Variants in HCN2 observed in about 807,000 individuals in gnomAD.
HCN2 encodes the protein potassium/sodium hyperpolarization-activated cyclic nucleotide-gated channel 2.
A neutral mutation model predicts 52.3 loss-of-function variants in HCN2; 20 were observed. That is an observed-to-expected ratio of 0.38 (90% confidence interval 0.27 to 0.56). HCN2 has a LOEUF of 0.56. HCN2 is among the 20% of genes least tolerant of loss of function. The pLI is 0.71. For missense variants in HCN2, 981 were observed against 1,207.7 expected, an observed-to-expected ratio of 0.81 and a Z score of 2.78; for synonymous variants, 694 against 537.0, an observed-to-expected ratio of 1.29 and a Z score of -4.04.
Position 603,636 on chromosome 19 carries a change from C to T in HCN2, c.725C>T (p.Ala242Val). 6.2e-7 allele frequency: 1 copy of T among 1,612,324 alleles called. No homozygotes were observed. The change falls in exon 2 of 8, where the codon GCC (alanine) becomes GTC (valine). Residue 242 changes from alanine to valine, a missense_variant. Physicochemically the swap from Ala to Val is moderately conservative, Grantham distance 64. This residue lies in a region of HCN2 where 282 missense variants were observed against 553.8 expected (regional missense o/e 0.51). Transcript: ENST00000251287. ...ACCTTCTTCAAGGATGAGACCACTG[C>T]CCCGTGGATCGTGTTCAACGTGGTC... Reference protein sequence around the residue: ...GITFFKDETTAPWIVFNVVSD... With the variant: ...GITFFKDETTVPWIVFNVVSD...
intron 1 of HCN2, among the ~76,000 whole-genome samples, chr19:598,047 G>A (rs541805882): frequency 1.3e-5 from 2 of 152,326 alleles, no homozygotes; most frequent in South Asian, 4.1e-4. Flanking sequence ...CAGAGGGTGA[G>A]GCTGGGGCTG....
intron 5 of HCN2, among the ~76,000 whole-genome samples, chr19:612,926 C>T (rs1209864774): frequency 1.3e-5 from 2 of 151,972 alleles, no homozygotes; most frequent in Non-Finnish European, 2.9e-5. Flanking sequence ...GCGATCCTCC[C>T]GCCTCGGCCT....
intron 5 of HCN2, among the ~76,000 whole-genome samples, chr19:611,121 C>T (rs201808377): frequency 6.6e-6 from 1 of 152,224 alleles, no homozygotes; most frequent in Non-Finnish European, 1.5e-5. Flanking sequence ...TTAACTGGGC[C>T]ATGTCTGCAG....
At chr19:603,407 G>T (rs562751643) in intron 1 of HCN2, 137 bp from the exon 2 acceptor site, 124 of 650,536 alleles carry the variant, frequency 1.9e-4, no homozygotes, top group Non-Finnish European at 3.2e-4. Flanking sequence ...GCCCGGGGCT[G>T]GTCCCGCAGG....
chr19:599,144 G>A (rs934168888), intron 1 of HCN2, among the ~76,000 whole-genome samples: 5 of 152,270 alleles, frequency 3.3e-5, no homozygotes, highest in African/African-American at 1.2e-4. Flanking sequence ...GGCTCTTGCA[G>A]ACCGAGCTGC....
intron 1 of HCN2, among the ~76,000 whole-genome samples, chr19:595,058 C>T (rs1290404350): frequency 6.6e-6 from 1 of 152,028 alleles, no homozygotes; most frequent in Non-Finnish European, 1.5e-5. Flanking sequence ...AAAAATTAGC[C>T]AGGCGTGGTG....
At chr19:613,697 AT>A (rs1983764978) in intron 6 of HCN2, among the ~76,000 whole-genome samples, 154 bp from the exon 7 acceptor site, 2 of 24,706 alleles carry the variant, frequency 8.1e-5, no homozygotes, top group Admixed American at 4.0e-4. Context: ...GGGGCCGGGG[AT>A]GGGGCCGGGG....
chr19:608,094 T>C lies in HCN2; in HGVS notation c.1349T>C (p.Val450Ala). The change falls in exon 4 of 8, where the codon GTG becomes GCG. Residue 450 changes from valine (V) to alanine (A), a missense_variant. Transcript: ENST00000251287. ...DIWLTMLSMI[V>A]GATCYAMFIG... ...TGGCTGACCATGCTCAGCATGATTG[T>C]GGGTGCCACCTGCTACGCCATGTTC... 6.2e-7 allele frequency: 1 copy of C among 1,613,310 alleles called. No individual in the cohort carries two copies. The highest frequency in any genetic ancestry group is 8.5e-7 in the Non-Finnish European group (1 of 1,180,020).
In HCN2 at chr19:616,323, C is replaced by G. The variant is rs574907436; in HGVS notation, c.2519C>G (p.Pro840Arg). The G allele has an allele frequency of 1.7e-6, 2 of 1,170,638 alleles. No homozygotes were observed. Among genetic ancestry groups the G allele is most frequent in the East Asian group, 5.9e-5 (1 of 16,870 alleles). The allele number at this position is 1,170,638 out of a possible 1,614,324, so 72.5% of individuals were successfully genotyped here. A position where few individuals can be genotyped will look rare whatever the true frequency, so the allele number is the denominator to read the frequency against. The change falls in exon 8 of 8, where the codon CCG becomes CGG. Residue 840 changes from proline (P) to arginine (R), a missense_variant. Transcript: ENST00000251287. ...CCCGGCCCCGCGGCCTCCACACGCC[C>G]GGCCAGCAGCTCCACACCGCGCTTG... ...GAPGPAASTR[P>R]ASSSTPRLGP... is the part of the protein sequence containing the mutation.
At chr19:602,895 G>A (rs1283126411) in intron 1 of HCN2, among the ~76,000 whole-genome samples, 2 of 151,674 alleles carry the variant, frequency 1.3e-5, no homozygotes, top group East Asian at 3.9e-4. Flanking sequence ...GGCCTTCCTG[G>A]GGTGGGAGCC....
At chr19:612,393 G>GGTGGGGGTGTGTGTGTGTGTGTGTGT (rs1215986490) in intron 5 of HCN2, among the ~76,000 whole-genome samples, 5 of 141,874 alleles carry the variant, frequency 3.5e-5, no homozygotes, top group African/African-American at 1.3e-4. Flanking sequence ...GCTTTCCACT[G>GGTGGGGGTGTGTGTGTGTGTGTGTGT]GTGTGTGTGT....
Position 590,097 on chromosome 19 carries a change from C to A in HCN2, c.152C>A (p.Pro51His), listed in dbSNP as rs1220919276. 19 of 747,192 alleles carry A rather than the reference C, an allele frequency of 2.5e-5. No individual in the cohort carries two copies. The highest frequency in any genetic ancestry group is 3.1e-5 in the Non-Finnish European group (19 of 618,356). 46.3% of individuals were successfully genotyped at this position (747,192 alleles called of 1,614,324 possible). ...CCCCCCCCGGGCCCCGGGCCCGCGC[C>A]CCCCCAGCACCCGCCCCGGGCCGAG... ...PAPPPGPGPA[P>H]PQHPPRAEAL... Residue 51 changes from proline (P) to histidine (H), a missense_variant, in exon 1 of 8, where the codon CCC (proline) becomes CAC (histidine). Around this residue, in one of 6 missense-constraint regions of HCN2, gnomAD observed 215 missense variants for 179.4 expected, o/e 1.20. Transcript: ENST00000251287. This position sits in a 1 kb window ranked among gnomAD's most constrained non-coding sequence, Gnocchi z 7.2.
intron 5 of HCN2, among the ~76,000 whole-genome samples, chr19:611,863 T>C (rs1983649201): frequency 6.6e-6 from 1 of 152,094 alleles, no homozygotes; most frequent in African/African-American, 2.4e-5. Context: ...AACCCACATA[T>C]GGCCAGGCGT....
Position 605,301 on chromosome 19 carries a change from T to TCAAGTGGCACGCTCAGGGCAGAG in HCN2, c.1218+79_1218+80insCAAGTGGCACGCTCAGGGCAGAG. 3.7e-5 allele frequency: 51 copies of TCAAGTGGCACGCTCAGGGCAGAG among 1,389,852 alleles called. 3 individuals carry two copies. The Admixed American group carries it at 1.0e-3, about 29-fold the overall frequency. 86.1% of individuals were successfully genotyped at this position (1,389,852 alleles called of 1,614,324 possible). A position where few individuals can be genotyped will look rare whatever the true frequency, so the allele number is the denominator to read the frequency against. The stretch of plus-strand genomic sequence containing the variant: ...GGGACCCAGGCCCCCTTATCCCGCT[T>TCAAGTGGCACGCTCAGGGCAGAG]ACAGAGGGTTGAACCCAAGCCTTTC... On this transcript the variant is annotated intron_variant, in intron 3 of 7. Transcript: ENST00000251287.
intron 1 of HCN2, among the ~76,000 whole-genome samples, chr19:593,554 A>G (rs1982935353): frequency 6.6e-6 from 1 of 152,156 alleles, no homozygotes; most frequent in African/African-American, 2.4e-5. Context: ...CAGGAGGCAG[A>G]GGTTGCAGTG....
rs1189697730 is a variant in HCN2, at chr19:605,117, C to T, written c.1113C>T (p.Ile371=). 6 of 1,611,942 alleles carry T rather than the reference C, an allele frequency of 3.7e-6. No individual in the cohort carries two copies. The highest frequency in any genetic ancestry group is 1.3e-5 in the African/African-American group (1 of 74,820). ...CGGTGATGAGGATCTGCAATCTCAT[C>T]AGCATGATGCTGCTGCTCTGCCACT... The part of the protein sequence containing the change: ...ASAVMRICNL[I]SMMLLLCHWD... Residue 371 remains isoleucine (I), a synonymous_variant, in exon 3 of 8, where the codon ATC becomes ATT. Coordinates refer to ENST00000251287, the MANE Select transcript of HCN2 (RefSeq NM_001194.4).
At chr19:607,108 C>T (rs9284436) in intron 3 of HCN2, among the ~76,000 whole-genome samples, 97,651 of 151,848 alleles carry the variant, frequency 0.64, 32,953 homozygotes, top group African/African-American at 0.83. Context: ...GGAGCGGAGG[C>T]TGCCGTGAGC....
At chr19:593,854 C>T (rs117229853) in intron 1 of HCN2, among the ~76,000 whole-genome samples, 3,326 of 152,240 alleles carry the variant, frequency 0.022, 54 homozygotes, top group Middle Eastern at 0.041. Context: ...TTGGAACAGG[C>T]GTGAAAACCA....
intron 1 of HCN2, 124 bp from the exon 2 acceptor site, chr19:603,420 C>T (rs1983285050): frequency 2.8e-6 from 2 of 713,082 alleles, no homozygotes; most frequent in Non-Finnish European, 4.7e-6. Context: ...CCCGCAGGCT[C>T]CTCGGAGGAG....
Sources: allele counts gnomAD v4.1 joint callset (sites outside exome capture counted in the v4.1 genomes callset), GRCh38; gene constraint gnomAD v4.1.1; regional missense constraint gnomAD v4.1.1; non-coding constraint Gnocchi (gnomAD v3.1); transcripts MANE v1.5; gene names NCBI Gene and HGNC (gene_info 2026-07-23, HGNC 2026-07-21).